Variants in GLI2 observed in about 807,000 individuals in gnomAD.
GLI2 encodes transcription activator GLI2.
Under a neutral mutation model 78.9 loss-of-function variants are expected in GLI2, and 22 were observed. The ratio of observed to expected loss-of-function variants is 0.28; its 90% CI spans 0.20 to 0.40. The LOEUF is 0.40. GLI2 is among the 10% of genes least tolerant of loss of function. The pLI, the probability that GLI2 is intolerant of heterozygous loss-of-function variation, is 1.00. For missense variants in GLI2, 2,097 were observed against 2,213.2 expected, an observed-to-expected ratio of 0.95 and a Z score of 1.05; for synonymous variants, 974 against 963.7, an observed-to-expected ratio of 1.01 and a Z score of -0.20.
intron 2 of GLI2, among the ~76,000 whole-genome samples, chr2:120,809,782 G>A (rs1685147451): frequency 6.6e-6 from 1 of 152,142 alleles, no homozygotes; most frequent in Non-Finnish European, 1.5e-5. Context: ...AGTGGAAGGG[G>A]GATGTTTAAT....
intron 2 of GLI2, among the ~76,000 whole-genome samples, chr2:120,906,883 C>T (rs1678562140): frequency 6.6e-6 from 1 of 152,130 alleles, no homozygotes; most frequent in Admixed American, 6.5e-5. Flanking sequence ...ATGAGTGCAC[C>T]CCTCCCTCCT....
chr2:120,963,403 A>G (rs1488158892), intron 5 of GLI2, among the ~76,000 whole-genome samples: 2 of 152,226 alleles, frequency 1.3e-5, no homozygotes, highest in Admixed American at 1.3e-4. Context: ...CAGGCTTGAC[A>G]GGGACAGTGG....
chr2:120,912,664 C>G (rs965162124), intron 2 of GLI2, among the ~76,000 whole-genome samples: 1 of 152,198 alleles, frequency 6.6e-6, no homozygotes, highest in Non-Finnish European at 1.5e-5. Flanking sequence ...ACGGCTTGCC[C>G]GGTGTTTCTC....
chr2:120,804,420 G>A (rs975572170), intron 2 of GLI2, among the ~76,000 whole-genome samples: 1 of 152,180 alleles, frequency 6.6e-6, no homozygotes, highest in Non-Finnish European at 1.5e-5. Context: ...AGGTGTTCCC[G>A]GTGGGCTGGT....
At chr2:120,935,715 C>T (rs529935669) in intron 3 of GLI2, among the ~76,000 whole-genome samples, 1 of 152,212 alleles carries the variant, frequency 6.6e-6, no homozygotes, top group East Asian at 1.9e-4. Flanking sequence ...TTTGACCCCC[C>T]ACCCCTTGCT....
rs149872935 is a variant in GLI2 at position 120,989,782 on chromosome 2, C to T, written c.3817C>T (p.Pro1273Ser). The T allele has an allele frequency of 6.8e-6, 11 of 1,610,720 alleles. No homozygotes were observed. The African/African-American group carries it at 1.3e-4, about 20-fold the overall frequency. Residue 1273 changes from proline to serine, a missense_variant, in exon 14 of 14, where the codon CCT becomes TCT. By Grantham distance (74) the Pro-to-Ser change is moderately conservative. Transcript: ENST00000361492. ...GCACCCTCAGCAGACAGAAGTGGCA[C>T]CTGACCCCACCACGATGGGCAATCG... is the stretch of plus-strand genomic sequence containing the variant. ...LGHPQQTEVA[P>S]DPTTMGNRHR...
In GLI2 at chr2:120,951,338, C is replaced by T; in HGVS notation, c.350C>T (p.Ala117Val). The T allele has an allele frequency of 1.3e-6, 2 of 1,576,980 alleles. No homozygotes were observed. Among genetic ancestry groups the T allele is most frequent in the East Asian group, 2.2e-5 (1 of 44,698 alleles). ...GGCCCTGGGGAGTCCCCCTTCAACG[C>T]CCCCCACCCGTACGTGAACCCCCAC... The part of the protein sequence containing the change: ...PAGPGESPFN[A>V]PHPYVNPHME... The change falls in exon 4 of 14, where the codon GCC (alanine) becomes GTC (valine). Residue 117 changes from alanine (A) to valine (V), a missense_variant. Physicochemically the swap from Ala to Val is moderately conservative, Grantham distance 64. Coordinates refer to ENST00000361492, the MANE Select transcript of GLI2 (RefSeq NM_001374353.1).
At chr2:120,910,571 G>C (rs1050334596) in intron 2 of GLI2, among the ~76,000 whole-genome samples, 9 of 152,182 alleles carry the variant, frequency 5.9e-5, no homozygotes, top group Non-Finnish European at 1.2e-4. Flanking sequence ...ACCCGGGGTG[G>C]GCCCTTTGCC....
At chr2:120,748,943 C>CCCAT (rs1296498603) in intron 1 of GLI2, among the ~76,000 whole-genome samples, 11 of 151,856 alleles carry the variant, frequency 7.2e-5, no homozygotes, top group South Asian at 2.1e-4. Flanking sequence ...CATCCATCTA[C>CCCAT]CCATCCATCC....
intron 2 of GLI2, among the ~76,000 whole-genome samples, chr2:120,812,380 G>A (rs988160360): frequency 7.9e-5 from 12 of 152,218 alleles, no homozygotes; most frequent in Admixed American, 7.9e-4. Flanking sequence ...ACTTGTGGGA[G>A]CTGTGGCGGT....
intron 1 of GLI2, among the ~76,000 whole-genome samples, chr2:120,777,920 G>C (rs1480234137): frequency 6.6e-6 from 1 of 152,096 alleles, no homozygotes; most frequent in Admixed American, 6.5e-5. Flanking sequence ...TGGTCAGAGT[G>C]GGAGCACGGA....
chr2:120,988,527 G>A lies in GLI2; in HGVS notation c.2562G>A (p.Gln854=). Residue 854 remains glutamine (Q), a synonymous_variant, in exon 14 of 14, where the codon CAG becomes CAA. Transcript: ENST00000361492. The part of the protein sequence containing the change: ...DASRRSSEAS[Q]CSGGSGLLNL... ...CGCGGCGCTCGAGCGAGGCCAGCCA[G>A]TGCAGCGGCGGCTCCGGGCTGCTCA... 6.6e-7 allele frequency: 1 copy of A among 1,512,468 alleles called. No individual in the cohort carries two copies. Among genetic ancestry groups the A allele is most frequent in the Non-Finnish European group, 8.8e-7 (1 of 1,137,824 alleles). 93.7% of individuals were successfully genotyped at this position (1,512,468 alleles called of 1,614,324 possible). A position where few individuals can be genotyped will look rare whatever the true frequency, so the allele number is the denominator to read the frequency against.
At chr2:120,802,739 C>T (rs991945019) in intron 2 of GLI2, among the ~76,000 whole-genome samples, 2 of 152,176 alleles carry the variant, frequency 1.3e-5, no homozygotes, top group African/African-American at 4.8e-5. Flanking sequence ...TTGCTAGTTT[C>T]TGGAATCAAG....
chr2:120,942,597 T>C (rs1680502995), intron 3 of GLI2, among the ~76,000 whole-genome samples: 2 of 152,250 alleles, frequency 1.3e-5, no homozygotes, highest in African/African-American at 4.8e-5. Context: ...GGATAGAACA[T>C]GGACATATCT....
At chr2:120,916,851 A>G (rs1367362413) in intron 2 of GLI2, among the ~76,000 whole-genome samples, 2 of 152,184 alleles carry the variant, frequency 1.3e-5, no homozygotes, top group Non-Finnish European at 2.9e-5. Flanking sequence ...TAGTGGGACA[A>G]TGTGTCTGAA....
At chr2:120,895,001 A>G (rs531543208) in intron 2 of GLI2, among the ~76,000 whole-genome samples, 3 of 144,952 alleles carry the variant, frequency 2.1e-5, no homozygotes, top group East Asian at 2.3e-4. Context: ...CCGGCCCAGT[A>G]TGGTTTTCTT....
At chr2:120,865,890 C>A (rs1320805902) in intron 2 of GLI2, among the ~76,000 whole-genome samples, 1 of 152,250 alleles carries the variant, frequency 6.6e-6, no homozygotes, top group Non-Finnish European at 1.5e-5. Context: ...CTCTCTGGAC[C>A]TGGCACCCCC....
intron 1 of GLI2, among the ~76,000 whole-genome samples, chr2:120,745,746 A>G (rs1429058206): frequency 6.6e-6 from 1 of 152,212 alleles, no homozygotes; most frequent in African/African-American, 2.4e-5. Flanking sequence ...CACACTGGAA[A>G]CATTTGAAAT....
At chr2:120,918,792 G>A (rs1679225818) in intron 2 of GLI2, among the ~76,000 whole-genome samples, 3 of 152,212 alleles carry the variant, frequency 2.0e-5, no homozygotes, top group Admixed American at 2.0e-4. Context: ...CTATTTTACA[G>A]ATGATGAAAC....
Sources: allele counts gnomAD v4.1 joint callset (sites outside exome capture counted in the v4.1 genomes callset), GRCh38; gene constraint gnomAD v4.1.1; transcripts MANE v1.5; gene names NCBI Gene and HGNC (gene_info 2026-07-23, HGNC 2026-07-21).